Variants in SPAG16 observed in about 807,000 individuals in gnomAD.
SPAG16 encodes sperm-associated antigen 16 protein.
SPAG16 carries 86 observed loss-of-function variants against 80.4 expected under a neutral mutation model. The ratio of observed to expected loss-of-function variants is 1.07; its 90% CI spans 0.90 to 1.28. The LOEUF (loss-of-function observed/expected upper bound fraction) is 1.28, where lower values mean the gene tolerates loss of function less well. Ranked by LOEUF, SPAG16 falls within the 50% of genes most tolerant of loss-of-function variation. SPAG16 has a pLI of 0.00. For missense variants in SPAG16, 870 were observed against 765.3 expected (o/e 1.14, Z -1.61); for synonymous variants, 294 against 265.9 (o/e 1.11, Z -1.03).
intron 3 of SPAG16, among the ~76,000 whole-genome samples, chr2:213,302,205 C>G (rs1347484422): frequency 6.6e-6 from 1 of 152,060 alleles, no homozygotes; most frequent in Non-Finnish European, 1.5e-5. Context: ...CAAAGTGAGA[C>G]CATGTTTCGC....
intron 12 of SPAG16, among the ~76,000 whole-genome samples, chr2:213,985,740 G>T (rs2045967928): frequency 6.6e-6 from 1 of 152,046 alleles, no homozygotes; most frequent in South Asian, 2.1e-4. Context: ...AAAGGATGGA[G>T]TACGCAAATG....
At chr2:214,405,007 T>G (rs1701917401) in intron 15 of SPAG16, among the ~76,000 whole-genome samples, 2 of 152,168 alleles carry the variant, frequency 1.3e-5, no homozygotes. Context: ...CAACATTAAA[T>G]AAAACAATTA....
intron 12 of SPAG16, among the ~76,000 whole-genome samples, chr2:213,975,197 C>T (rs915103021): frequency 1.3e-5 from 2 of 150,588 alleles, no homozygotes; most frequent in Non-Finnish European, 3.0e-5. Flanking sequence ...GAATATATAT[C>T]CCAAACTTTC....
At chr2:214,057,748 G>A (rs1447775104) in intron 13 of SPAG16, among the ~76,000 whole-genome samples, 1 of 152,126 alleles carries the variant, frequency 6.6e-6, no homozygotes, top group Admixed American at 6.6e-5. Flanking sequence ...CTGAAAATCT[G>A]TTTTTTAGTG....
chr2:213,849,104 A>G lies in SPAG16; in HGVS notation c.1071-13381A>G, dbSNP rs2074775197. 2.6e-5 allele frequency among the ~76,000 whole-genome samples: 4 copies of G among 152,186 alleles called. No individual in the cohort carries two copies. In the South Asian group the frequency reaches 8.3e-4, roughly 31 times the overall value. ...ATGGTTGGAAAGTTCAAGATTGTAC[A>G]TCTGCATCTGGCGAGGACCTCAGGC... On this transcript the variant is annotated intron_variant, in intron 10 of 15. Coordinates refer to ENST00000331683, the MANE Select transcript of SPAG16 (RefSeq NM_024532.5).
At chr2:213,909,006 T>A (rs901254588) in intron 11 of SPAG16, among the ~76,000 whole-genome samples, 3 of 151,790 alleles carry the variant, frequency 2.0e-5, no homozygotes, top group Non-Finnish European at 4.4e-5. Flanking sequence ...TTCCCATCTA[T>A]GAGTGAGAAC....
intron 10 of SPAG16, among the ~76,000 whole-genome samples, chr2:213,650,731 T>C (rs2062989734): frequency 6.6e-6 from 1 of 152,178 alleles, no homozygotes. Context: ...CAAGTGAGAC[T>C]ATTACAGGTT....
At chr2:213,577,402 C>T (rs1432496638) in intron 10 of SPAG16, among the ~76,000 whole-genome samples, 1 of 152,096 alleles carries the variant, frequency 6.6e-6, no homozygotes, top group African/African-American at 2.4e-5. Flanking sequence ...GGGATCTGTG[C>T]AATTTGTACT....
chr2:213,483,671 C>T (rs532877093), intron 9 of SPAG16, among the ~76,000 whole-genome samples: 2 of 152,166 alleles, frequency 1.3e-5, no homozygotes, highest in East Asian at 1.9e-4. Flanking sequence ...GCAAGTAAGT[C>T]CCCAGATAAT....
At chr2:213,738,442 T>G (rs2067393002) in intron 10 of SPAG16, among the ~76,000 whole-genome samples, 1 of 152,208 alleles carries the variant, frequency 6.6e-6, no homozygotes, top group Admixed American at 6.5e-5. Flanking sequence ...TTCCTTAAAA[T>G]ATAATGCCTT....
intron 10 of SPAG16, among the ~76,000 whole-genome samples, chr2:213,703,007 T>C (rs982297800): frequency 1.3e-5 from 2 of 152,200 alleles, no homozygotes; most frequent in African/African-American, 4.8e-5. Context: ...TCAGGTGTGC[T>C]CATGTGATAT....
chr2:213,793,335 C>T (rs1012175755), intron 10 of SPAG16, among the ~76,000 whole-genome samples: 1 of 152,086 alleles, frequency 6.6e-6, no homozygotes, highest in Non-Finnish European at 1.5e-5. Context: ...AGCAACAAAA[C>T]ATGCAAACCT....
intron 11 of SPAG16, among the ~76,000 whole-genome samples, chr2:213,928,251 A>ATT (rs566334387): frequency 0.021 from 2,990 of 144,074 alleles, 45 homozygotes; most frequent in East Asian, 0.042. Flanking sequence ...TGCCTGGCTA[A>ATT]TTTTTTTTTT....
chr2:214,216,333 A>G (rs1396401469), intron 15 of SPAG16, among the ~76,000 whole-genome samples: 4 of 152,024 alleles, frequency 2.6e-5, no homozygotes, highest in Non-Finnish European at 4.4e-5. Context: ...GATGATGATG[A>G]CGATGATGAG....
At chr2:213,751,581 C>T (rs1460477581) in intron 10 of SPAG16, among the ~76,000 whole-genome samples, 1 of 152,116 alleles carries the variant, frequency 6.6e-6, no homozygotes, top group Non-Finnish European at 1.5e-5. Flanking sequence ...CTGTTGTCAC[C>T]CCAACCTCTC....
intron 9 of SPAG16, among the ~76,000 whole-genome samples, chr2:213,468,734 A>G: frequency 6.7e-6 from 1 of 149,340 alleles, no homozygotes; most frequent in Non-Finnish European, 1.5e-5. Context: ...GTATATATAT[A>G]TCTCCTACAT....
chr2:213,759,384 A>G (rs1167114903), intron 10 of SPAG16, among the ~76,000 whole-genome samples: 2 of 152,018 alleles, frequency 1.3e-5, no homozygotes, highest in Admixed American at 6.6e-5. Flanking sequence ...TGTAACTCCA[A>G]TTTTGTTTTG....
At chr2:213,771,935 CT>C (rs1223741793) in intron 10 of SPAG16, among the ~76,000 whole-genome samples, 1 of 152,010 alleles carries the variant, frequency 6.6e-6, no homozygotes, top group African/African-American at 2.4e-5. Flanking sequence ...TATACAGGCT[CT>C]TTTTTTGTTT....
chr2:213,924,827 C>T (rs2078392232), intron 11 of SPAG16, among the ~76,000 whole-genome samples: 1 of 151,970 alleles, frequency 6.6e-6, no homozygotes, highest in African/African-American at 2.4e-5. Flanking sequence ...TGGATTTGTT[C>T]ATATGTTTGT....
Sources: gnomAD v4.1 joint callset for allele counts (sites outside exome capture counted in the v4.1 genomes callset) on GRCh38, gnomAD v4.1.1 for gene constraint, MANE v1.5 for transcripts, NCBI Gene and HGNC (gene_info 2026-07-23, HGNC 2026-07-21) for gene names.